MLF1: variants seen among roughly 807,000 people sequenced by gnomAD.
MLF1 encodes myeloid leukemia factor 1.
A neutral mutation model predicts 38.3 loss-of-function variants in MLF1; 37 were observed. The ratio of observed to expected loss-of-function variants is 0.96; its 90% CI spans 0.74 to 1.27. The LOEUF (loss-of-function observed/expected upper bound fraction) is 1.27, where lower values mean the gene tolerates loss of function less well. MLF1 is among the 50% of genes most tolerant of loss of function. The pLI is 0.00. For synonymous variants in MLF1, 95 were observed against 106.5 expected, an observed-to-expected ratio of 0.89 and a Z score of 0.66; for missense variants, 331 against 349.2, an observed-to-expected ratio of 0.95 and a Z score of 0.42.
At chr3:158,597,266 G>GA (rs748003788) in intron 4 of MLF1, among the ~76,000 whole-genome samples, 1 of 151,096 alleles carries the variant, frequency 6.6e-6, no homozygotes, top group Non-Finnish European at 1.5e-5. Context: ...TTAAAAATTG[G>GA]AAAAAAAATA....
intron 3 of MLF1, 60 bp from the exon 4 acceptor site, chr3:158,596,802 G>A: frequency 9.4e-7 from 1 of 1,067,268 alleles, no homozygotes; most frequent in Non-Finnish European, 1.4e-6. Context: ...TTTGGAAGAT[G>A]TATTTGCATC....
chr3:158,582,432 A>G (rs1435642), intron 1 of MLF1, among the ~76,000 whole-genome samples: 52,224 of 151,878 alleles, frequency 0.34, 9,562 homozygotes, highest in East Asian at 0.66. Context: ...ATTTGAAGAA[A>G]TGAAGACTAA....
At chr3:158,602,684 C>A in intron 6 of MLF1, 123 bp from the exon 7 acceptor site, 1 of 815,170 alleles carries the variant, frequency 1.2e-6, no homozygotes. Flanking sequence ...AAGCAGCTTC[C>A]TGCCTCTGTA....
At chr3:158,585,203 G>T (rs750334611) in intron 1 of MLF1, among the ~76,000 whole-genome samples, 17 of 152,072 alleles carry the variant, frequency 1.1e-4, no homozygotes, top group Non-Finnish European at 2.5e-4. Flanking sequence ...ATAGATTAAT[G>T]CCCTCCCTGG....
intron 1 of MLF1, among the ~76,000 whole-genome samples, chr3:158,584,838 A>G (rs1487916505): frequency 6.6e-6 from 1 of 151,882 alleles, no homozygotes; most frequent in African/African-American, 2.4e-5. Flanking sequence ...AGTGATAGCT[A>G]ATGAGCCTGA....
intron 1 of MLF1, among the ~76,000 whole-genome samples, chr3:158,579,041 A>T (rs1204296614): frequency 3.3e-5 from 5 of 152,146 alleles, no homozygotes; most frequent in African/African-American, 1.2e-4. Context: ...GAACATACAA[A>T]GCATATTTCT....
intron 1 of MLF1, among the ~76,000 whole-genome samples, chr3:158,584,873 C>T (rs985111521): frequency 6.6e-6 from 1 of 150,986 alleles, no homozygotes; most frequent in Non-Finnish European, 1.5e-5. Flanking sequence ...CCTATCTCTA[C>T]AAAAAAATAC....
chr3:158,598,349 T>C (rs1269928194), intron 5 of MLF1, 141 bp downstream of exon 5: 3 of 820,324 alleles, frequency 3.7e-6, no homozygotes, highest in African/African-American at 1.7e-5. Flanking sequence ...GGGGGTAAGG[T>C]AGTCCTCACT....
intron 2 of MLF1, 48 bp downstream of exon 2, chr3:158,592,629 T>C: frequency 6.8e-7 from 1 of 1,470,686 alleles, no homozygotes; most frequent in South Asian, 1.2e-5. Context: ...CTGTAGGAAT[T>C]TGAAGAAAAG....
At chr3:158,593,298 A>G (rs1388313063) in intron 2 of MLF1, 84 bp from the exon 3 acceptor site, 2 of 1,084,898 alleles carry the variant, frequency 1.8e-6, no homozygotes, top group Non-Finnish European at 2.6e-6. Context: ...GCAATTTGAA[A>G]TTCAGTAAAC....
chr3:158,584,327 G>T lies in MLF1; in HGVS notation c.48-8107G>T, dbSNP rs901340029. 5.9e-5 allele frequency among the ~76,000 whole-genome samples: 9 copies of T among 152,306 alleles called. No individual in the cohort carries two copies. The East Asian group carries it at 1.5e-3, about 26-fold the overall frequency. On this transcript the variant is annotated intron_variant, in intron 1 of 7. Transcript: ENST00000466246. ...AAGAAGGATAAATGAACTAAATGGA[G>T]ATTTGAGCTACCACGCAAGAGACAG... is the stretch of plus-strand genomic sequence containing the variant.
At chr3:158,582,369 C>A (rs757125365) in intron 1 of MLF1, among the ~76,000 whole-genome samples, 2 of 150,864 alleles carry the variant, frequency 1.3e-5, no homozygotes, top group African/African-American at 2.4e-5. Context: ...AGGGCAACTA[C>A]GAAAGATATA....
intron 1 of MLF1, among the ~76,000 whole-genome samples, chr3:158,589,607 C>T (rs1292750224): frequency 6.6e-6 from 1 of 152,146 alleles, no homozygotes; most frequent in Non-Finnish European, 1.5e-5. Context: ...AACTTATACT[C>T]TAAAAGAGGA....
intron 1 of MLF1, among the ~76,000 whole-genome samples, chr3:158,576,760 C>T (rs1715505578): frequency 6.6e-6 from 1 of 150,722 alleles, no homozygotes; most frequent in South Asian, 2.1e-4. Context: ...GCAACCTCTG[C>T]CTCCCAGGTT....
At chr3:158,589,500 G>T (rs917598320) in intron 1 of MLF1, among the ~76,000 whole-genome samples, 1 of 152,086 alleles carries the variant, frequency 6.6e-6, no homozygotes, top group South Asian at 2.1e-4. Flanking sequence ...ATGAGCCACC[G>T]CGCCCAGCCC....
chr3:158,588,178 C>T (rs1485816903), intron 1 of MLF1, among the ~76,000 whole-genome samples: 1 of 152,082 alleles, frequency 6.6e-6, no homozygotes, highest in Non-Finnish European at 1.5e-5. Context: ...TGTGAAGGAA[C>T]TTGGAAGTGG....
In MLF1 at chr3:158,571,266, T is replaced by A; in HGVS notation, c.-35T>A. ...GCGAGTTAACATCGTTTTTCCAATC[T>A]GTCCGCGGCTGCCGCCACCCAAGAC... On this transcript the variant is annotated 5_prime_UTR_variant, in exon 1 of 8. Transcript: ENST00000466246. 5.8e-6 allele frequency: 9 copies of A among 1,551,690 alleles called. No individual in the cohort carries two copies. The highest frequency in any genetic ancestry group is 8.0e-6 in the Non-Finnish European group (9 of 1,126,088).
At chr3:158,584,178 G>C (rs1249184313) in intron 1 of MLF1, among the ~76,000 whole-genome samples, 1 of 152,132 alleles carries the variant, frequency 6.6e-6, no homozygotes, top group African/African-American at 2.4e-5. Flanking sequence ...GAAAGGGAGG[G>C]AGAGAAGTCC....
intron 1 of MLF1, among the ~76,000 whole-genome samples, chr3:158,586,229 A>G (rs558121723): frequency 6.6e-6 from 1 of 151,818 alleles, no homozygotes; most frequent in Non-Finnish European, 1.5e-5. Context: ...TTTTTAATCT[A>G]CACTTGGACC....
Sources: gnomAD v4.1 joint callset for allele counts (sites outside exome capture counted in the v4.1 genomes callset) on GRCh38, gnomAD v4.1.1 for gene constraint, MANE v1.5 for transcripts, NCBI Gene and HGNC (gene_info 2026-07-23, HGNC 2026-07-21) for gene names.